FYB1: variants seen among roughly 807,000 people sequenced by gnomAD.
The protein encoded by FYB1 is FYN-binding protein 1.
In FYB1, 41 loss-of-function variants were observed where a neutral mutation model predicts 94.1. That is an observed-to-expected ratio of 0.44 (90% CI 0.34 to 0.57). FYB1 has a LOEUF of 0.57. FYB1 is among the 20% of genes least tolerant of loss of function. The pLI is 0.02. For synonymous variants in FYB1, 367 were observed against 353.2 expected (o/e 1.04, Z -0.44); for missense variants, 1,050 against 976.8 (o/e 1.07, Z -1.00).
intron 2 of FYB1, among the ~76,000 whole-genome samples, chr5:39,156,091 A>T (rs1743723892): frequency 6.6e-6 from 1 of 152,118 alleles, no homozygotes; most frequent in African/African-American, 2.4e-5. Flanking sequence ...GATTTTGACA[A>T]GCAGGAGGCA....
At chr5:39,215,696 C>T (rs1749806688) in intron 1 of FYB1, among the ~76,000 whole-genome samples, 1 of 152,152 alleles carries the variant, frequency 6.6e-6, no homozygotes, top group Non-Finnish European at 1.5e-5. Context: ...AATTCAGTGG[C>T]AAGGATTGGG....
Position 39,204,406 on chromosome 5 carries a change from C to T in FYB1, c.-27-1419G>A, listed in dbSNP as rs114529238. Among the ~76,000 whole-genome samples the T allele has an allele frequency of 9.2e-3, 1,400 of 152,288 alleles. 20 individuals carry two copies. The highest frequency in any genetic ancestry group is 0.031 in the African/African-American group (1,276 of 41,548). ...CAGACATGAGAACTGGGTTTAAATCCTAGCCAGAATTGTCATGTGCTTTAA... is the reference window on the plus strand; with the variant it reads ...CAGACATGAGAACTGGGTTTAAATCTTAGCCAGAATTGTCATGTGCTTTAA... On this transcript the variant is annotated intron_variant, in intron 1 of 18. Coordinates refer to ENST00000512982, the MANE Select transcript of FYB1 (RefSeq NM_001465.6).
At chr5:39,139,081 G>A in intron 5 of FYB1, 152 bp downstream of exon 5, 2 of 833,464 alleles carry the variant, frequency 2.4e-6, no homozygotes, top group Non-Finnish European at 1.8e-6. Context: ...AACATCTTAA[G>A]CATTTTAGAT....
intron 2 of FYB1, among the ~76,000 whole-genome samples, chr5:39,159,243 G>A (rs187149720): frequency 8.3e-4 from 126 of 152,244 alleles, no homozygotes; most frequent in Non-Finnish European, 2.5e-4. Flanking sequence ...GATTTTAGCC[G>A]TGGGCTGGCA....
At chr5:39,271,976 A>G (rs1471060675) in intron 1 of FYB1, among the ~76,000 whole-genome samples, 1 of 152,214 alleles carries the variant, frequency 6.6e-6, no homozygotes, top group East Asian at 1.9e-4. Flanking sequence ...TTTCACTAGA[A>G]AGCCTCTTAT....
chr5:39,169,451 A>G, intron 2 of FYB1: 1 of 725,568 alleles, frequency 1.4e-6, no homozygotes, highest in East Asian at 2.7e-5. Context: ...TTCACAGAAG[A>G]GTGCCTTCAC....
At chr5:39,189,284 A>G (rs1747149129) in intron 2 of FYB1, among the ~76,000 whole-genome samples, 1 of 151,734 alleles carries the variant, frequency 6.6e-6, no homozygotes, top group Admixed American at 6.6e-5. Flanking sequence ...TTGAAAATAA[A>G]CAAAAAAGAT....
intron 3 of FYB1, among the ~76,000 whole-genome samples, chr5:39,144,805 A>G (rs1047962258): frequency 3.9e-5 from 6 of 152,216 alleles, no homozygotes; most frequent in Non-Finnish European, 7.3e-5. Context: ...GTGTCTCAAA[A>G]AAAAACCAAA....
intron 1 of FYB1, among the ~76,000 whole-genome samples, chr5:39,264,018 T>C (rs1453083747): frequency 6.6e-6 from 1 of 152,202 alleles, no homozygotes; most frequent in Non-Finnish European, 1.5e-5. Flanking sequence ...ATGATGGTAT[T>C]AGAAGGTGAG....
chr5:39,133,647 T>A (rs1375140595), intron 9 of FYB1, among the ~76,000 whole-genome samples: 2 of 152,054 alleles, frequency 1.3e-5, no homozygotes, highest in African/African-American at 4.8e-5. Flanking sequence ...CAGGAAGGTG[T>A]TCCCATAATT....
intron 3 of FYB1, among the ~76,000 whole-genome samples, chr5:39,142,781 G>C (rs1346574): frequency 0.26 from 39,720 of 152,014 alleles, 5,580 homozygotes; most frequent in African/African-American, 0.37. Flanking sequence ...TTCCCTGAGA[G>C]TATTCTTAAA....
rs754604795 is a variant in FYB1 at position 39,148,150 on chromosome 5, A to ATT, written c.1292+5296_1292+5297dup. On this transcript the variant is annotated intron_variant, in intron 3 of 18. Coordinates refer to ENST00000512982, the MANE Select transcript of FYB1 (RefSeq NM_001465.6). ...TTATCATTATATGTATATTATATGT[A>ATT]TTTTTTATATATATATATATATATA... is the stretch of plus-strand genomic sequence containing the variant. Among the ~76,000 whole-genome samples, 23 of 61,868 alleles carry ATT rather than the reference A, an allele frequency of 3.7e-4. 1 individual carries two copies. The East Asian group carries it at 5.1e-3, about 14-fold the overall frequency. 40.6% of individuals were successfully genotyped at this position (61,868 alleles called of 152,430 possible).
chr5:39,141,588 C>T (rs1356185316), intron 3 of FYB1, among the ~76,000 whole-genome samples: 1 of 152,128 alleles, frequency 6.6e-6, no homozygotes, highest in South Asian at 2.1e-4. Context: ...TCAGGAGTTC[C>T]AGACCAGCCT....
At chr5:39,220,417 GAA>G (rs58076166), upstream of FYB1, among the ~76,000 whole-genome samples, 28 of 109,118 alleles carry the variant, frequency 2.6e-4, no homozygotes, top group African/African-American at 7.0e-4. Context: ...CTGTCTGAAG[GAA>G]AAAAAAAAAA....
chr5:39,181,483 AAACTC>A (rs1421209007), intron 2 of FYB1, among the ~76,000 whole-genome samples: 2 of 152,188 alleles, frequency 1.3e-5, no homozygotes, highest in Admixed American at 1.3e-4. Context: ...AGAATTATAA[AAACTC>A]AGAGAAGCAT....
intron 1 of FYB1, among the ~76,000 whole-genome samples, chr5:39,271,791 G>A (rs889666289): frequency 2.0e-5 from 3 of 152,174 alleles, no homozygotes; most frequent in Admixed American, 1.3e-4. Flanking sequence ...TGTGAGGCAT[G>A]GTCAGAATCT....
intron 1 of FYB1, among the ~76,000 whole-genome samples, chr5:39,227,211 G>T (rs1041545588): frequency 2.6e-5 from 4 of 152,060 alleles, no homozygotes; most frequent in African/African-American, 4.8e-5. Context: ...ATACCAAAAA[G>T]ATATAAAAAT....
At chr5:39,226,048 C>T (rs1750457873) in intron 1 of FYB1, among the ~76,000 whole-genome samples, 1 of 152,164 alleles carries the variant, frequency 6.6e-6, no homozygotes, top group Non-Finnish European at 1.5e-5. Flanking sequence ...CTGTTGCTCT[C>T]CTGGCTAGGT....
At chr5:39,273,774 CTG>C (rs1348271126) in intron 1 of FYB1, among the ~76,000 whole-genome samples, 1 of 152,106 alleles carries the variant, frequency 6.6e-6, no homozygotes, top group Non-Finnish European at 1.5e-5. Flanking sequence ...TAGGTGGAGA[CTG>C]TGAGGTCTAG....
Sources: gnomAD v4.1 joint callset for allele counts (sites outside exome capture counted in the v4.1 genomes callset) on GRCh38, gnomAD v4.1.1 for gene constraint, MANE v1.5 for transcripts, NCBI Gene and HGNC (gene_info 2026-07-23, HGNC 2026-07-21) for gene names.